Variants in CDK12 observed in about 807,000 individuals in gnomAD.
The protein encoded by CDK12 is cyclin-dependent kinase 12.
CDK12 carries 17 observed loss-of-function variants against 133.8 expected under a neutral mutation model. The observed-to-expected ratio is 0.13, with a 90% confidence interval of 0.09 to 0.19. The LOEUF (loss-of-function observed/expected upper bound fraction) is 0.19, where lower values mean the gene tolerates loss of function less well. CDK12 is among the 10% of genes least tolerant of loss of function. CDK12 has a pLI of 1.00. For synonymous variants in CDK12, 694 were observed against 683.6 expected (o/e 1.02, Z -0.24); for missense variants, 1,508 against 1,818.7 (o/e 0.83, Z 3.11).
intron 2 of CDK12, among the ~76,000 whole-genome samples, chr17:39,480,104 A>G (rs2050522978): frequency 6.6e-6 from 1 of 151,674 alleles, no homozygotes; most frequent in Non-Finnish European, 1.5e-5. Context: ...TTATATTTTT[A>G]GTAGAGACGG....
intron 8 of CDK12, 135 bp from the exon 9 acceptor site, chr17:39,515,596 G>T: frequency 1.7e-6 from 1 of 598,770 alleles, no homozygotes; most frequent in Non-Finnish European, 3.0e-6. Flanking sequence ...TTTCTCTTTG[G>T]AAACTCAGAC....
chr17:39,477,517 C>T (rs1382512614), intron 2 of CDK12, among the ~76,000 whole-genome samples: 1 of 151,506 alleles, frequency 6.6e-6, no homozygotes, highest in Non-Finnish European at 1.5e-5. Context: ...GGATTACAGA[C>T]GTGAGCCACT....
At chr17:39,481,641 T>C (rs1331490227) in intron 2 of CDK12, among the ~76,000 whole-genome samples, 1 of 6,740 alleles carries the variant, frequency 1.5e-4, no homozygotes, top group Non-Finnish European at 3.8e-4. Context: ...GCGCTCTCTC[T>C]CTCTCTCTCT....
intron 5 of CDK12, among the ~76,000 whole-genome samples, chr17:39,499,428 CGA>C (rs1172998621): frequency 6.6e-6 from 1 of 150,962 alleles, no homozygotes; most frequent in Non-Finnish European, 1.5e-5. Flanking sequence ...AGGCTTGTCT[CGA>C]ACTCCTGACC....
At chr17:39,557,807 T>C (rs1258187377) in intron 3 of CDK12, among the ~76,000 whole-genome samples, 1 of 152,196 alleles carries the variant, frequency 6.6e-6, no homozygotes, top group African/African-American at 2.4e-5. Context: ...GTAGTATGTG[T>C]GGTGGTTAGA....
intron 8 of CDK12, among the ~76,000 whole-genome samples, chr17:39,514,521 T>C (rs1007309922): frequency 1.3e-5 from 2 of 152,070 alleles, no homozygotes; most frequent in African/African-American, 4.8e-5. Context: ...ATTCATGTAA[T>C]CTTTGAGATG....
intron 13 of CDK12, chr17:39,529,960 G>C (rs2054725815): frequency 6.6e-6 from 1 of 152,104 alleles, no homozygotes; most frequent in Non-Finnish European, 1.5e-5. Flanking sequence ...AACATAGGAA[G>C]CTGAATGATA....
intron 6 of CDK12, among the ~76,000 whole-genome samples, chr17:39,505,549 G>A (rs2053060275): frequency 6.9e-6 from 1 of 144,400 alleles, no homozygotes. Context: ...AAAAAGATTT[G>A]GGAAAGAACC....
intron 8 of CDK12, among the ~76,000 whole-genome samples, chr17:39,514,586 C>T (rs535495971): frequency 6.6e-6 from 1 of 152,250 alleles, no homozygotes; most frequent in South Asian, 2.1e-4. Context: ...AGTGATCCTC[C>T]TGCCTAGGCC....
At chr17:39,546,596 GCTT>G (rs1749497399), upstream of CDK12, 1 of 152,170 alleles carries the variant, frequency 6.6e-6, no homozygotes, top group Non-Finnish European at 1.5e-5. Flanking sequence ...CCTCTAATCA[GCTT>G]CTTCACTTCC....
At position 39,525,973 on chromosome 17, in the gene CDK12, C is replaced by T. The variant is rs2054473049; in HGVS notation, c.3417C>T (p.Asn1139=). The change falls in exon 13 of 14, where the codon AAC becomes AAT. Residue 1139 remains asparagine (N), a synonymous_variant. Transcript: ENST00000447079. ...LSIPQMAQLL[N]IHSNPEMQQQ... is the part of the protein sequence containing the mutation. ...TCCCTCAAATGGCACAGCTGCTTAA[C>T]ATCCACTCCAACCCAGAGATGCAGC... The T allele has an allele frequency of 6.2e-7, 1 of 1,614,182 alleles. No individual in the cohort carries two copies. Among genetic ancestry groups the T allele is most frequent in the Non-Finnish European group, 8.5e-7 (1 of 1,180,036 alleles).
At chr17:39,484,395 T>G (rs929879751) in intron 2 of CDK12, among the ~76,000 whole-genome samples, 8 of 152,160 alleles carry the variant, frequency 5.3e-5, no homozygotes, top group Non-Finnish European at 8.8e-5. Flanking sequence ...ACTTTTCAAG[T>G]AATGACTGTG....
intron 13 of CDK12, among the ~76,000 whole-genome samples, chr17:39,527,570 C>T (rs981065380): frequency 2.6e-5 from 4 of 152,164 alleles, no homozygotes; most frequent in African/African-American, 9.7e-5. Context: ...TTTTTGGAGG[C>T]GGAGTCTTAC....
Position 39,525,712 on chromosome 17 carries a change from A to G in CDK12, c.3308-152A>G, listed in dbSNP as rs1006715567. ...AAGCGAAAGCATAAAGAGTAACAAA[A>G]TGTGTCATGACATTTTGAGGCATGA... On this transcript the variant is annotated intron_variant, in intron 12 of 13. Transcript: ENST00000447079. 1.6e-5 allele frequency: 10 copies of G among 629,428 alleles called. No individual in the cohort carries two copies. In the Admixed American group the frequency reaches 2.4e-4, roughly 15 times the overall value. 39.0% of individuals were successfully genotyped at this position (629,428 alleles called of 1,614,324 possible).
At chr17:39,494,352 T>G (rs551174381) in intron 4 of CDK12, among the ~76,000 whole-genome samples, 172 bp from the exon 5 acceptor site, 1 of 152,272 alleles carries the variant, frequency 6.6e-6, no homozygotes, top group South Asian at 2.1e-4. Flanking sequence ...GGATTACAGG[T>G]GTGAGCCAGT....
intron 3 of CDK12, chr17:39,556,906 A>G (rs921463946): frequency 1.3e-5 from 2 of 152,166 alleles, no homozygotes; most frequent in African/African-American, 4.8e-5. Flanking sequence ...TGGAGAGAAA[A>G]GAGGAAATAA....
At chr17:39,464,803 T>A (rs1381675650) in intron 1 of CDK12, among the ~76,000 whole-genome samples, 3 of 151,372 alleles carry the variant, frequency 2.0e-5, no homozygotes, top group Non-Finnish European at 2.9e-5. Context: ...AAAAAAAAAA[T>A]TAGCTGGTCG....
At chr17:39,524,113 C>T (rs1326144801) in intron 11 of CDK12, among the ~76,000 whole-genome samples, 2 of 152,152 alleles carry the variant, frequency 1.3e-5, no homozygotes, top group Non-Finnish European at 2.9e-5. Context: ...ATACGTAGTG[C>T]TGAACTCCAC....
chr17:39,530,605 A>G lies in CDK12; in HGVS notation c.3762A>G (p.Ala1254=). The G allele has an allele frequency of 6.3e-7, 1 of 1,583,074 alleles. No individual in the cohort carries two copies. Among genetic ancestry groups the G allele is most frequent in the South Asian group, 1.1e-5 (1 of 87,468 alleles). The change falls in exon 14 of 14, where the codon GCA becomes GCG. Residue 1254 remains alanine, a splice_region_variant and synonymous_variant. Transcript: ENST00000447079. ...TPTMPQEEAA[A]CPPHILPPEK... ...TTAAAAGAAGTAACCCTTCCACAGC[A>G]TGTCCTCCTCACATTCTTCCACCAG...
Sources: allele counts gnomAD v4.1 joint callset (sites outside exome capture counted in the v4.1 genomes callset), GRCh38; gene constraint gnomAD v4.1.1; transcripts MANE v1.5; gene names NCBI Gene and HGNC (gene_info 2026-07-23, HGNC 2026-07-21).